Variants in FH observed in about 807,000 individuals in gnomAD.
FH encodes fumarate hydratase.
FH carries 22 observed loss-of-function variants against 49.4 expected under a neutral mutation model. That is an observed-to-expected ratio of 0.45 (90% CI 0.32 to 0.64). The LOEUF is 0.64. Ranked by LOEUF, FH falls within the 30% of genes least tolerant of loss-of-function variation. FH has a pLI of 0.05. For missense variants in FH, 526 were observed against 641.5 expected, an observed-to-expected ratio of 0.82 and a Z score of 1.95; for synonymous variants, 208 against 223.0, an observed-to-expected ratio of 0.93 and a Z score of 0.60.
At chr1:241,499,489 T>C (rs1025966441) in intron 9 of FH, among the ~76,000 whole-genome samples, 7 of 152,144 alleles carry the variant, frequency 4.6e-5, no homozygotes, top group Non-Finnish European at 8.8e-5. Context: ...CCAATCTCAA[T>C]GCCACACCAA....
In FH at chr1:241,512,053, T is replaced by C. The variant is rs778399986; in HGVS notation, c.469A>G (p.Ile157Val). The C allele has an allele frequency of 6.2e-7, 1 of 1,613,980 alleles. No individual in the cohort carries two copies. Among genetic ancestry groups the C allele is most frequent in the African/African-American group, 1.3e-5 (1 of 75,062 alleles). ...TQTNMNVNEV[I>V]SNRAIEMLGG... ...AACATTTCAATTGCTCTATTGCTAATGACTTCATTTACATTCATATTTGTC... is the reference window on the plus strand; with the variant it reads ...AACATTTCAATTGCTCTATTGCTAACGACTTCATTTACATTCATATTTGTC... Residue 157 changes from isoleucine to valine, a missense_variant, in exon 4 of 10, where the codon ATT (isoleucine) becomes GTT (valine). Physicochemically the swap from Ile to Val is conservative, Grantham distance 29 (BLOSUM62 3). Around this residue, in one of 2 missense-constraint regions of FH, gnomAD observed 383 missense variants for 514.0 expected, o/e 0.75. Coordinates refer to ENST00000366560, the MANE Select transcript of FH (RefSeq NM_000143.4).
rs370798843 is a variant in FH at position 241,510,319 on chromosome 1, G to C, written c.556-1534C>G. On this transcript the variant is annotated intron_variant, in intron 4 of 9. Transcript: ENST00000366560. The stretch of plus-strand genomic sequence containing the variant: ...GAGCATCTTAAAGTACCAGGAAGTC[G>C]GAACACACTTCAGAAAAGTAAAAGG... Among the ~76,000 whole-genome samples, 29 of 152,186 alleles carry C rather than the reference G, an allele frequency of 1.9e-4. No individual in the cohort carries two copies. The South Asian group carries it at 3.5e-3, about 19-fold the overall frequency.
chr1:241,516,442 T>C (rs184359875), intron 2 of FH, among the ~76,000 whole-genome samples: 4 of 152,102 alleles, frequency 2.6e-5, no homozygotes, highest in Non-Finnish European at 5.9e-5. Flanking sequence ...CACTTGTAAG[T>C]GGGAGCTGAA....
intron 5 of FH, among the ~76,000 whole-genome samples, chr1:241,506,752 C>T (rs1372886685): frequency 2.6e-5 from 4 of 152,108 alleles, no homozygotes; most frequent in South Asian, 2.1e-4. Flanking sequence ...TAGGAGGTAA[C>T]GGTAGAGTCA....
Position 241,498,725 on chromosome 1 carries a change from ATATATATATATATATATG to A in FH, c.1391-773_1391-756del, listed in dbSNP as rs1193329322. On this transcript the variant is annotated intron_variant, in intron 9 of 9. Transcript: ENST00000366560. The stretch of plus-strand genomic sequence containing the variant: ...TATATATATATATATATATATATAT[ATATATATATATATATATG>A]TCAAGAAGAAAAAGCAGGAATGAAA... Among the ~76,000 whole-genome samples the A allele has an allele frequency of 9.3e-5, 10 of 107,348 alleles. 1 individual carries two copies. In the South Asian group the frequency reaches 2.8e-3, roughly 30 times the overall value. 70.4% of individuals were successfully genotyped at this position (107,348 alleles called of 152,430 possible). A position where few individuals can be genotyped will look rare whatever the true frequency, so the allele number is the denominator to read the frequency against.
At chr1:241,508,339 T>C (rs1320303779) in intron 5 of FH, among the ~76,000 whole-genome samples, 1 of 152,210 alleles carries the variant, frequency 6.6e-6, no homozygotes, top group Non-Finnish European at 1.5e-5. Flanking sequence ...GCTAAATGAC[T>C]TTCCTATGGT....
At position 241,508,654 on chromosome 1, in the gene FH, G is replaced by C. The variant is rs755587163; in HGVS notation, c.687C>G (p.Ile229Met). 15 of 1,613,866 alleles carry C rather than the reference G, an allele frequency of 9.3e-6. No individual in the cohort carries two copies. The highest frequency in any genetic ancestry group is 1.3e-5 in the Non-Finnish European group (15 of 1,179,818). The change falls in exon 5 of 10, where the codon ATC becomes ATG. Residue 229 changes from isoleucine (I) to methionine (M), a missense_variant. This residue lies in a region of FH where 383 missense variants were observed against 514.0 expected (regional missense o/e 0.75). Coordinates refer to ENST00000366560, the MANE Select transcript of FH (RefSeq NM_000143.4). Reference sequence around the variant, plus strand: ...CCTGAGTATGAGTACGTCCAATCTTGATGATCTGTGCAAACTCTTTGGATT... The same window carrying C: ...CCTGAGTATGAGTACGTCCAATCTTCATGATCTGTGCAAACTCTTTGGATT... ...DAKSKEFAQI[I>M]KIGRTHTQDA...
rs367760099 is a variant in FH at position 241,506,269 on chromosome 1, A to T, written c.739-101T>A. The stretch of plus-strand genomic sequence containing the variant: ...GAAATTTTTAAAAATACCTTTCAGA[A>T]TACTAAATTACAAGCTAATCAAGTT... On this transcript the variant is annotated intron_variant, in intron 5 of 9. Transcript: ENST00000366560. 1.4e-4 allele frequency: 121 copies of T among 866,490 alleles called. No homozygotes were observed. In the East Asian group the frequency reaches 2.6e-3, roughly 19 times the overall value. The allele number at this position is 866,490 out of a possible 1,614,324, so 53.7% of individuals were successfully genotyped here. A position where few individuals can be genotyped will look rare whatever the true frequency, so the allele number is the denominator to read the frequency against.
At chr1:241,509,425 G>A (rs1192753174) in intron 4 of FH, among the ~76,000 whole-genome samples, 5 of 152,106 alleles carry the variant, frequency 3.3e-5, no homozygotes, top group Non-Finnish European at 5.9e-5. Context: ...CTGAGACCTA[G>A]CCAGGTAGTA....
At chr1:241,518,521 T>C (rs146238498) in intron 1 of FH, among the ~76,000 whole-genome samples, 1 of 152,352 alleles carries the variant, frequency 6.6e-6, no homozygotes, top group African/African-American at 2.4e-5. Flanking sequence ...CAAATTATCT[T>C]GAAGTTTAGA....
intron 8 of FH, among the ~76,000 whole-genome samples, chr1:241,501,776 T>C (rs1301509596): frequency 1.3e-5 from 2 of 152,208 alleles, no homozygotes; most frequent in South Asian, 2.1e-4. Context: ...ACAGCTCCAC[T>C]ATCTGCAGCT....
intron 8 of FH, among the ~76,000 whole-genome samples, chr1:241,502,023 A>G (rs68119865): frequency 0.021 from 3,206 of 152,320 alleles, 50 homozygotes; most frequent in South Asian, 0.064. Context: ...GGAAGAACTA[A>G]CTGCGCAATG....
rs1448288377 is a variant in FH, at chr1:241,508,606, C to G, written c.735G>C (p.Gly245=). The G allele has an allele frequency of 2.5e-6, 4 of 1,612,564 alleles. No homozygotes were observed. Among genetic ancestry groups the G allele is most frequent in the Non-Finnish European group, 3.4e-6 (4 of 1,178,652 alleles). ...HTQDAVPLTL[G]QEFSGYVQQV... is the part of the protein sequence containing the mutation. ...CAAATTAGTCAAACTCCTATACCTG[C>G]CCAAGAGTAAGTGGAACAGCATCCT... is the stretch of plus-strand genomic sequence containing the variant. The change falls in exon 5 of 10, where the codon GGG becomes GGC. Residue 245 remains glycine, a synonymous_variant. Transcript: ENST00000366560.
intron 9 of FH, among the ~76,000 whole-genome samples, chr1:241,499,513 T>C (rs1659713785): frequency 6.6e-6 from 1 of 152,136 alleles, no homozygotes; most frequent in South Asian, 2.1e-4. Context: ...ACTGATATCA[T>C]ACTGGGCTCA....
At chr1:241,515,171 C>T (rs182844800) in intron 2 of FH, among the ~76,000 whole-genome samples, 51 of 152,282 alleles carry the variant, frequency 3.3e-4, no homozygotes, top group Admixed American at 2.6e-4. Context: ...AATCATACTA[C>T]TCAGTTTAGA....
At chr1:241,508,238 C>T (rs577327098) in intron 5 of FH, among the ~76,000 whole-genome samples, 2 of 152,276 alleles carry the variant, frequency 1.3e-5, no homozygotes, top group South Asian at 4.1e-4. Flanking sequence ...AAGCACTCTA[C>T]ATAAATCAAC....
At chr1:241,503,898 A>G (rs2147915903) in intron 7 of FH, 144 bp downstream of exon 7, 3 of 854,092 alleles carry the variant, frequency 3.5e-6, no homozygotes, top group African/African-American at 1.7e-5. Context: ...AGTCCTGACC[A>G]GAGGACCACA....
intron 1 of FH, among the ~76,000 whole-genome samples, chr1:241,517,633 G>A (rs1224942623): frequency 6.6e-6 from 1 of 152,028 alleles, no homozygotes; most frequent in Non-Finnish European, 1.5e-5. Flanking sequence ...TCAAGATTTG[G>A]CCAATTCAAT....
At chr1:241,503,998 C>A in intron 7 of FH, 44 bp downstream of exon 7, 1 of 1,562,618 alleles carries the variant, frequency 6.4e-7, no homozygotes, top group Non-Finnish European at 8.8e-7. Flanking sequence ...ATGCCTAGGA[C>A]CTAGTCAAGT....
Sources: allele counts gnomAD v4.1 joint callset (sites outside exome capture counted in the v4.1 genomes callset), GRCh38; gene constraint gnomAD v4.1.1; regional missense constraint gnomAD v4.1.1; transcripts MANE v1.5; gene names NCBI Gene and HGNC (gene_info 2026-07-23, HGNC 2026-07-21).